MYO18A: variants seen among roughly 807,000 people sequenced by gnomAD.
MYO18A encodes the protein myosin XVIIIA.
A neutral mutation model predicts 235.8 loss-of-function variants in MYO18A; 78 were observed. That is an observed-to-expected ratio of 0.33 (90% CI 0.28 to 0.40). The LOEUF (loss-of-function observed/expected upper bound fraction) is 0.40. Ranked by LOEUF, MYO18A falls within the 10% of genes least tolerant of loss-of-function variation. The pLI, the probability that MYO18A is intolerant of heterozygous loss-of-function variation, is 1.00. For synonymous variants in MYO18A, 977 were observed against 1,077.8 expected, an observed-to-expected ratio of 0.91 and a Z score of 1.83; for missense variants, 2,215 against 2,699.3, an observed-to-expected ratio of 0.82 and a Z score of 3.98.
intron 19 of MYO18A, among the ~76,000 whole-genome samples, chr17:29,108,974 C>T (rs907530447): frequency 4.0e-5 from 6 of 151,826 alleles, no homozygotes; most frequent in African/African-American, 9.7e-5. Context: ...GGGGACAGAT[C>T]GATGATTTAT....
chr17:29,090,827 T>C lies in MYO18A; in HGVS notation c.5287A>G (p.Lys1763Glu), dbSNP rs771401480. 2.5e-6 allele frequency: 4 copies of C among 1,613,986 alleles called. No homozygotes were observed. The highest frequency in any genetic ancestry group is 2.5e-6 in the Non-Finnish European group (3 of 1,179,858). ...EDMNELMKKH[K>E]AAVAQASRDL... ...AGGGGTACCTGAGCCACGGCAGCCTTGTGCTTCTTCATCAATTCGTTCATG... is the reference window on the plus strand; with the variant it reads ...AGGGGTACCTGAGCCACGGCAGCCTCGTGCTTCTTCATCAATTCGTTCATG... The change falls in exon 35 of 42, where the codon AAG becomes GAG. Residue 1763 changes from lysine to glutamate, a missense_variant. Coordinates refer to ENST00000527372, the MANE Select transcript of MYO18A (RefSeq NM_078471.4).
chr17:29,150,001 A>T (rs1394732563), intron 2 of MYO18A, among the ~76,000 whole-genome samples: 1 of 152,254 alleles, frequency 6.6e-6, no homozygotes, highest in Non-Finnish European at 1.5e-5. Flanking sequence ...CAGAAGAAAA[A>T]AAAGGAAGCC....
intron 40 of MYO18A, among the ~76,000 whole-genome samples, chr17:29,082,976 G>A (rs2066156775): frequency 6.6e-6 from 1 of 151,520 alleles, no homozygotes; most frequent in Non-Finnish European, 1.5e-5. Context: ...CTCCTTAGTG[G>A]ATGGCAGCAC....
chr17:29,177,517 C>A (rs1414926489), intron 1 of MYO18A, among the ~76,000 whole-genome samples: 2 of 152,146 alleles, frequency 1.3e-5, no homozygotes, highest in Admixed American at 6.5e-5. Context: ...GCTCCTACCT[C>A]GGCACCTCCC....
rs9900718 is a variant in MYO18A, at chr17:29,162,849, C to T, written c.999+3093G>A. Among the ~76,000 whole-genome samples, 1,151 of 152,308 alleles carry T rather than the reference C, an allele frequency of 7.6e-3. 12 individuals are homozygous for T. Among genetic ancestry groups the T allele is most frequent in the African/African-American group, 0.027 (1,106 of 41,564 alleles). ...CTACCACTGTGGCTCACCCCTGCTC[C>T]CAGCGGAACCTCATCTAGCAGCTAC... is the stretch of plus-strand genomic sequence containing the variant. On this transcript the variant is annotated intron_variant, in intron 2 of 41. Transcript: ENST00000527372.
chr17:29,141,124 C>A (rs942368909), intron 2 of MYO18A, among the ~76,000 whole-genome samples: 6 of 152,362 alleles, frequency 3.9e-5, no homozygotes, highest in Non-Finnish European at 5.9e-5. Flanking sequence ...CCTCCACAGA[C>A]GCCAGGGACT....
At chr17:29,137,659 C>A (rs796427497) in intron 2 of MYO18A, among the ~76,000 whole-genome samples, 28 of 152,154 alleles carry the variant, frequency 1.8e-4, no homozygotes, top group African/African-American at 6.5e-4. Flanking sequence ...TGGAAAGAGC[C>A]CAAATGCCTA....
At chr17:29,086,797 A>G in intron 38 of MYO18A, 139 bp downstream of exon 38, 4 of 1,191,218 alleles carry the variant, frequency 3.4e-6, no homozygotes, top group South Asian at 3.2e-5. Flanking sequence ...CCCTCTTGAT[A>G]TGCTCCTCCT....
At chr17:29,086,092 A>G (rs1017787745) in intron 39 of MYO18A, among the ~76,000 whole-genome samples, 7 of 152,264 alleles carry the variant, frequency 4.6e-5, no homozygotes, top group African/African-American at 1.4e-4. Context: ...TCTCTGGCAT[A>G]GTAACAAGGC....
intron 11 of MYO18A, among the ~76,000 whole-genome samples, 193 bp from the exon 12 acceptor site, chr17:29,116,033 T>C (rs2067051292): frequency 6.6e-6 from 1 of 152,144 alleles, no homozygotes; most frequent in Non-Finnish European, 1.5e-5. Context: ...ATGGAGAGAA[T>C]GAGCAGGTCC....
intron 2 of MYO18A, among the ~76,000 whole-genome samples, chr17:29,127,540 C>T (rs973200200): frequency 1.3e-5 from 2 of 152,314 alleles, no homozygotes; most frequent in South Asian, 2.1e-4. Context: ...CTCTGATCCT[C>T]GGGTTTGGGT....
At chr17:29,114,130 G>A (rs752171089) in intron 14 of MYO18A, 33 bp from the exon 15 acceptor site, 1 of 1,520,124 alleles carries the variant, frequency 6.6e-7, no homozygotes, top group Non-Finnish European at 9.0e-7. Context: ...AGTGAGCATG[G>A]GGGTCACATT....
Position 29,109,504 on chromosome 17 carries a change from C to T in MYO18A, c.3331+354G>A, listed in dbSNP as rs1568072789. ...CTCATTTCTCACTGGGCAGATGGCT[C>T]CGAAAGGGCACTGGGTTTGCTGCTG... On this transcript the variant is annotated intron_variant, in intron 19 of 41. Transcript: ENST00000527372. The surrounding 1 kb of genome is among the most constrained non-coding windows in gnomAD (Gnocchi z 4.1). 6.6e-6 allele frequency among the ~76,000 whole-genome samples: 1 copy of T among 152,154 alleles called. No individual in the cohort carries two copies. Among genetic ancestry groups the T allele is most frequent in the Admixed American group, 6.5e-5 (1 of 15,282 alleles).
chr17:29,105,171 CAAAAAAAAAAAAAAAAAAAA>C (rs58344909), intron 20 of MYO18A, among the ~76,000 whole-genome samples: 1 of 35,806 alleles, frequency 2.8e-5, no homozygotes, highest in Non-Finnish European at 5.9e-5. Context: ...GACTCTGTCT[CAAAAAAAAAAAAAAAAAAAA>C]AAAAAGAAAA....
chr17:29,162,489 C>G (rs1001734011), intron 2 of MYO18A, among the ~76,000 whole-genome samples: 3 of 152,206 alleles, frequency 2.0e-5, no homozygotes, highest in Non-Finnish European at 4.4e-5. Flanking sequence ...GCCTCCGCTT[C>G]ACTCATCTAC....
chr17:29,095,678 A>AT (rs1179671893), intron 28 of MYO18A, among the ~76,000 whole-genome samples: 1 of 152,188 alleles, frequency 6.6e-6, no homozygotes, highest in Non-Finnish European at 1.5e-5. Context: ...CCAGCCTTCC[A>AT]TTTCCCACTA....
At chr17:29,162,951 C>T (rs2068205603) in intron 2 of MYO18A, among the ~76,000 whole-genome samples, 1 of 152,228 alleles carries the variant, frequency 6.6e-6, no homozygotes, top group South Asian at 2.1e-4. Context: ...CTGTGTCTCC[C>T]TGGGGCCTTC....
chr17:29,093,842 A>T (rs1322644905), intron 31 of MYO18A, 138 bp downstream of exon 31: 1 of 652,322 alleles, frequency 1.5e-6, no homozygotes, highest in East Asian at 2.7e-5. Flanking sequence ...CAATGCTAGG[A>T]TCCCGAGAGG....
intron 31 of MYO18A, among the ~76,000 whole-genome samples, chr17:29,093,634 G>A (rs866362319): frequency 6.6e-6 from 1 of 152,004 alleles, no homozygotes; most frequent in African/African-American, 2.4e-5. Context: ...GGCCACATGC[G>A]GTGGCTAGCC....
Sources: gnomAD v4.1 joint callset for allele counts (sites outside exome capture counted in the v4.1 genomes callset) on GRCh38, gnomAD v4.1.1 for gene constraint, Gnocchi (gnomAD v3.1) non-coding constraint, MANE v1.5 for transcripts, NCBI Gene and HGNC (gene_info 2026-07-23, HGNC 2026-07-21) for gene names.